MME: variants seen among roughly 807,000 people sequenced by gnomAD.
The protein encoded by MME is membrane metalloendopeptidase.
MME carries 98 observed loss-of-function variants against 113.2 expected under a neutral mutation model. That is an observed-to-expected ratio of 0.87 (90% confidence interval 0.74 to 1.02). The LOEUF (loss-of-function observed/expected upper bound fraction) is 1.02, where lower values mean the gene tolerates loss of function less well. MME is among the 50% of genes least tolerant of loss of function. MME has a pLI of 0.00. For missense variants in MME, 836 were observed against 896.0 expected (o/e 0.93, Z 0.86); for synonymous variants, 292 against 300.6 (o/e 0.97, Z 0.30).
At chr3:155,125,393 T>A (rs577124319) in intron 8 of MME, among the ~76,000 whole-genome samples, 1 of 144,762 alleles carries the variant, frequency 6.9e-6, no homozygotes, top group South Asian at 2.3e-4. Context: ...TTGCTCACGC[T>A]GGGAGCTGTA....
chr3:155,119,652 G>C (rs1371025873), intron 8 of MME, among the ~76,000 whole-genome samples: 184 of 143,004 alleles, frequency 1.3e-3, no homozygotes, highest in African/African-American at 1.7e-3. Flanking sequence ...CCACCTATGA[G>C]TGAGAATATG....
chr3:155,090,225 T>C (rs1716171478), intron 3 of MME: 1 of 152,346 alleles, frequency 6.6e-6, no homozygotes, highest in African/African-American at 2.4e-5. Flanking sequence ...TTTATTTTAA[T>C]TCTGCACATA....
intron 8 of MME, among the ~76,000 whole-genome samples, chr3:155,133,062 A>AAAAATATATATATATAT (rs1553762419): frequency 2.7e-5 from 2 of 75,082 alleles, no homozygotes; most frequent in East Asian, 3.2e-4. Flanking sequence ...AAAAAAAAAA[A>AAAAATATATATATATAT]ATATATATAT....
At chr3:155,175,627 G>A (rs1017506948) in intron 22 of MME, among the ~76,000 whole-genome samples, 3 of 151,966 alleles carry the variant, frequency 2.0e-5, no homozygotes, top group African/African-American at 7.2e-5. Flanking sequence ...AAATGATTTA[G>A]GTGCTTAGAT....
intron 3 of MME, among the ~76,000 whole-genome samples, chr3:155,086,139 T>C (rs1715703418): frequency 6.6e-6 from 1 of 152,132 alleles, no homozygotes; most frequent in Non-Finnish European, 1.5e-5. Context: ...GTACTCCAAG[T>C]GTAAGCTGAA....
chr3:155,127,771 A>G (rs1292972013), intron 8 of MME, among the ~76,000 whole-genome samples: 1 of 152,220 alleles, frequency 6.6e-6, no homozygotes, highest in African/African-American at 2.4e-5. Context: ...TTTGCTGTCA[A>G]CACTCAGCAG....
At chr3:155,166,145 A>G (rs1723077263) in intron 17 of MME, among the ~76,000 whole-genome samples, 1 of 152,162 alleles carries the variant, frequency 6.6e-6, no homozygotes, top group African/African-American at 2.4e-5. Flanking sequence ...GTACTATTCT[A>G]GTTTTAGGCA....
chr3:155,180,360 G>T lies in MME; in HGVS notation c.2154G>T (p.Arg718Ser), dbSNP rs1284714866. The T allele has an allele frequency of 1.2e-6, 2 of 1,612,614 alleles. No individual in the cohort carries two copies. Among genetic ancestry groups the T allele is most frequent in the Non-Finnish European group, 1.7e-6 (2 of 1,178,720 alleles). The part of the protein sequence containing the change: ...KTDVHSPGNF[R>S]IIGTLQNSAE... ...GTGACTTTTTTTGTTTGTTTCAAAGGATTATTGGGACTTTGCAGAACTCTG... is the reference window on the plus strand; with the variant it reads ...GTGACTTTTTTTGTTTGTTTCAAAGTATTATTGGGACTTTGCAGAACTCTG... Residue 718 changes from arginine (R) to serine (S), a missense_variant and splice_region_variant, in exon 23 of 23, where the codon AGG becomes AGT. Physicochemically the swap from Arg to Ser is moderately radical, Grantham distance 110. Transcript: ENST00000360490.
chr3:155,043,045 G>A (rs1425028840), intron 1 of MME, among the ~76,000 whole-genome samples: 12 of 141,188 alleles, frequency 8.5e-5, no homozygotes. Flanking sequence ...TTTTAATTTT[G>A]TTTTTTACAA....
chr3:155,153,808 G>A (rs1722123866), intron 16 of MME, among the ~76,000 whole-genome samples: 1 of 152,114 alleles, frequency 6.6e-6, no homozygotes, highest in Non-Finnish European at 1.5e-5. Context: ...AACATTTATT[G>A]AGCAGCTAGC....
At chr3:155,107,562 T>C (rs542900602) in intron 3 of MME, among the ~76,000 whole-genome samples, 2 of 152,318 alleles carry the variant, frequency 1.3e-5, no homozygotes, top group South Asian at 2.1e-4. Context: ...GTTTTGTACA[T>C]TTTTCTAGAT....
intron 1 of MME, among the ~76,000 whole-genome samples, chr3:155,050,188 T>A (rs1229136795): frequency 6.6e-6 from 1 of 152,222 alleles, no homozygotes; most frequent in African/African-American, 2.4e-5. Flanking sequence ...GGCTGCGTAG[T>A]ATTCCATGTT....
At chr3:155,129,614 T>C (rs993565839) in intron 8 of MME, among the ~76,000 whole-genome samples, 20 of 152,302 alleles carry the variant, frequency 1.3e-4, no homozygotes, top group African/African-American at 3.8e-4. Flanking sequence ...TGTCTGCTCT[T>C]CCTAACAAAC....
At chr3:155,125,274 G>A (rs1397593158) in intron 8 of MME, among the ~76,000 whole-genome samples, 39 of 127,500 alleles carry the variant, frequency 3.1e-4, no homozygotes, top group African/African-American at 9.9e-4. Context: ...CCCTGCTTCG[G>A]CTCACGCACG....
At position 155,172,139 on chromosome 3, in the gene MME, A is replaced by G. The variant is rs563055187; in HGVS notation, c.2003A>G (p.Lys668Arg). Reference sequence around the variant, plus strand: ...TAGGCCTATCAGAATTATATTAAAAAGAATGGCGAAGAAAAATTACTTCCT... The same window carrying G: ...TAGGCCTATCAGAATTATATTAAAAGGAATGGCGAAGAAAAATTACTTCCT... The part of the protein sequence containing the change: ...AYRAYQNYIK[K>R]NGEEKLLPGL... The change falls in exon 21 of 23, where the codon AAG becomes AGG. Residue 668 changes from lysine to arginine, a missense_variant. By Grantham distance (26) the Lys-to-Arg change is conservative. Transcript: ENST00000360490. The G allele has an allele frequency of 3.7e-6, 6 of 1,608,072 alleles. No individual in the cohort carries two copies. Among genetic ancestry groups the G allele is most frequent in the Non-Finnish European group, 4.3e-6 (5 of 1,174,836 alleles).
intron 8 of MME, among the ~76,000 whole-genome samples, chr3:155,119,805 A>C (rs1718967203): frequency 8.4e-6 from 1 of 119,098 alleles, no homozygotes; most frequent in Non-Finnish European, 1.7e-5. Context: ...TTCTTAATCC[A>C]GTCTATCATT....
At chr3:155,129,399 T>G (rs957803562) in intron 8 of MME, among the ~76,000 whole-genome samples, 1 of 152,144 alleles carries the variant, frequency 6.6e-6, no homozygotes, top group African/African-American at 2.4e-5. Flanking sequence ...CCCATAATCT[T>G]AAAACCAAAC....
chr3:155,067,420 C>T (rs1404105296), intron 1 of MME, among the ~76,000 whole-genome samples: 1 of 147,992 alleles, frequency 6.8e-6, no homozygotes, highest in Non-Finnish European at 1.5e-5. Context: ...AAACGATTCT[C>T]CTGCCTCAGC....
chr3:155,087,251 T>G (rs1328066091), intron 3 of MME, among the ~76,000 whole-genome samples: 1 of 63,328 alleles, frequency 1.6e-5, no homozygotes, highest in South Asian at 7.6e-4. Context: ...GCCCTTTGGT[T>G]TTTTTTTTTT....
Sources: gnomAD v4.1 joint callset for allele counts (sites outside exome capture counted in the v4.1 genomes callset) on GRCh38, gnomAD v4.1.1 for gene constraint, MANE v1.5 for transcripts, NCBI Gene and HGNC (gene_info 2026-07-23, HGNC 2026-07-21) for gene names.